KIRREL1: variants seen among roughly 807,000 people sequenced by gnomAD.
KIRREL1 encodes kirre like nephrin family adhesion molecule 1.
KIRREL1 carries 25 observed loss-of-function variants against 83.3 expected under a neutral mutation model. The observed-to-expected ratio is 0.30, with a 90% confidence interval of 0.22 to 0.42. The LOEUF is 0.42. KIRREL1 is among the 10% of genes least tolerant of loss of function. KIRREL1 has a pLI of 1.00. For synonymous variants in KIRREL1, 388 were observed against 410.4 expected, an observed-to-expected ratio of 0.95 and a Z score of 0.66; for missense variants, 812 against 1,032.3, an observed-to-expected ratio of 0.79 and a Z score of 2.92.
intron 1 of KIRREL1, among the ~76,000 whole-genome samples, chr1:158,011,030 G>A (rs187161109): frequency 1.8e-3 from 273 of 152,314 alleles, no homozygotes; most frequent in African/African-American, 6.1e-3. Context: ...ATGAAAACCA[G>A]GGCCCTCTAC....
At chr1:158,045,488 C>A (rs746490240) in intron 1 of KIRREL1, among the ~76,000 whole-genome samples, 6 of 152,220 alleles carry the variant, frequency 3.9e-5, no homozygotes, top group Admixed American at 6.5e-5. Flanking sequence ...TATACTATTA[C>A]AGTTTTATTA....
chr1:158,018,879 T>C (rs540374928), intron 1 of KIRREL1, among the ~76,000 whole-genome samples: 18 of 152,310 alleles, frequency 1.2e-4, no homozygotes, highest in African/African-American at 3.4e-4. Context: ...GATGAACCAA[T>C]TTTATTATTA....
At chr1:158,017,124 C>T (rs765084695) in intron 1 of KIRREL1, among the ~76,000 whole-genome samples, 23 of 152,170 alleles carry the variant, frequency 1.5e-4, no homozygotes, top group Admixed American at 9.2e-4. Flanking sequence ...CCCTTTCCTG[C>T]GGAGGGCAGG....
Position 158,095,150 on chromosome 1 carries a change from G to C in KIRREL1, c.*30G>C. On this transcript the variant is annotated 3_prime_UTR_variant, in exon 15 of 15. Transcript: ENST00000359209. ...CAGAGCCTGGCTGGGGCATCTCTGC[G>C]GGGCAGAGGAGAAGGCTTTCACAGC... 1 of 1,461,274 alleles carries C rather than the reference G, an allele frequency of 6.8e-7. No homozygotes were observed. The highest frequency in any genetic ancestry group is 1.3e-5 in the South Asian group (1 of 79,218). 90.5% of individuals were successfully genotyped at this position (1,461,274 alleles called of 1,614,324 possible).
intron 1 of KIRREL1, among the ~76,000 whole-genome samples, chr1:158,002,524 T>C (rs1022479145): frequency 5.3e-5 from 8 of 152,326 alleles, no homozygotes; most frequent in Non-Finnish European, 8.8e-5. Flanking sequence ...GGTGAGAGCA[T>C]GTGTTCAACT....
At position 158,096,865 on chromosome 1, in the gene KIRREL1, C is replaced by G. The variant is rs1662367795; in HGVS notation, c.*1745C>G. The G allele has an allele frequency of 4.4e-6, 2 of 456,634 alleles. No homozygotes were observed. The highest frequency in any genetic ancestry group is 3.1e-5 in the South Asian group (2 of 64,566). The allele number at this position is 456,634 out of a possible 1,614,324, so 28.3% of individuals were successfully genotyped here. ...CTCTGGTGCAGTTCCCAAAATGTTC[C>G]TCGCCCTTTCTCCGTGGTCACCATT... On this transcript the variant is annotated 3_prime_UTR_variant, in exon 15 of 15. Transcript: ENST00000359209.
rs1662063194 is a variant in KIRREL1, at chr1:158,087,878, T to A, written c.767+18T>A. The A allele has an allele frequency of 3.1e-6, 5 of 1,610,750 alleles. No individual in the cohort carries two copies. Among genetic ancestry groups the A allele is most frequent in the Non-Finnish European group, 4.2e-6 (5 of 1,177,376 alleles). ...GGCTACAGGTGAGGGGGTCAGAGGC[T>A]GGGAGCGCTCTGGGGAGTGATAAGG... On this transcript the variant is annotated intron_variant, in intron 6 of 14. Coordinates refer to ENST00000359209, the MANE Select transcript of KIRREL1 (RefSeq NM_018240.7).
At chr1:158,049,148 C>T (rs915123614) in intron 1 of KIRREL1, among the ~76,000 whole-genome samples, 1 of 152,218 alleles carries the variant, frequency 6.6e-6, no homozygotes, top group African/African-American at 2.4e-5. Flanking sequence ...CTTTTGGATT[C>T]AGTTCAATTC....
chr1:158,023,810 A>C (rs758634768), intron 1 of KIRREL1, among the ~76,000 whole-genome samples: 51 of 152,212 alleles, frequency 3.4e-4, no homozygotes, highest in Non-Finnish European at 5.6e-4. Context: ...AATTTCAGGA[A>C]CTGTTTGGAA....
At chr1:158,089,058 T>C (rs573865954) in intron 8 of KIRREL1, among the ~76,000 whole-genome samples, 2 of 152,102 alleles carry the variant, frequency 1.3e-5, no homozygotes, top group African/African-American at 4.8e-5. Flanking sequence ...TGGTAAATAA[T>C]GCTGCACAGG....
chr1:158,044,208 T>A (rs17419999), intron 1 of KIRREL1, among the ~76,000 whole-genome samples: 15,266 of 152,118 alleles, frequency 0.1, 974 homozygotes, highest in Middle Eastern at 0.14. Flanking sequence ...AAGCATTACA[T>A]AAAAGGCAGC....
chr1:158,052,352 A>C (rs1660929386), intron 1 of KIRREL1, among the ~76,000 whole-genome samples: 2 of 152,120 alleles, frequency 1.3e-5, no homozygotes, highest in Admixed American at 1.3e-4. Context: ...TTATATTTCA[A>C]ATCTTAGTCT....
At chr1:158,040,319 T>A (rs1166580358) in intron 1 of KIRREL1, among the ~76,000 whole-genome samples, 11 of 152,120 alleles carry the variant, frequency 7.2e-5, no homozygotes, top group Admixed American at 6.5e-5. Context: ...AGAAATGCCA[T>A]AAAGCATAGC....
chr1:158,076,020 G>T lies in KIRREL1; in HGVS notation c.53-93G>T. The T allele has an allele frequency of 4.9e-6, 6 of 1,233,748 alleles. No homozygotes were observed. In the South Asian group the frequency reaches 6.0e-5, roughly 12 times the overall value. The allele number at this position is 1,233,748 out of a possible 1,614,324, so 76.4% of individuals were successfully genotyped here. On this transcript the variant is annotated intron_variant, in intron 1 of 14. Transcript: ENST00000359209. ...GGAGAGTCCCCATCCCCAACTGGAG[G>T]CTCTCCCTCCTTCCAGCTGCATGGT...
At chr1:157,999,789 A>G (rs1659304634) in intron 1 of KIRREL1, among the ~76,000 whole-genome samples, 1 of 152,184 alleles carries the variant, frequency 6.6e-6, no homozygotes, top group African/African-American at 2.4e-5. Context: ...TGATCCTCAA[A>G]TGTGAAACCA....
intron 1 of KIRREL1, among the ~76,000 whole-genome samples, chr1:158,013,067 A>C (rs539394706): frequency 2.0e-4 from 31 of 152,348 alleles, no homozygotes; most frequent in African/African-American, 7.2e-4. Flanking sequence ...TGAGCTAACC[A>C]GAGGAAAAGC....
At chr1:158,062,958 T>C (rs1558007696) in intron 1 of KIRREL1, among the ~76,000 whole-genome samples, 1 of 152,266 alleles carries the variant, frequency 6.6e-6, no homozygotes, top group Non-Finnish European at 1.5e-5. Flanking sequence ...ATTAGATTTT[T>C]AAAGATGCCT....
chr1:158,014,691 G>GA (rs1659778871), intron 1 of KIRREL1, among the ~76,000 whole-genome samples: 2 of 143,118 alleles, frequency 1.4e-5, no homozygotes, highest in South Asian at 5.2e-4. Context: ...GGGGGGGGGG[G>GA]GGCGGGGGGA....
rs1224867208 is a variant in KIRREL1 at position 158,095,155 on chromosome 1, AGAG to A, written c.*39_*41del. On this transcript the variant is annotated 3_prime_UTR_variant, in exon 15 of 15. Coordinates refer to ENST00000359209, the MANE Select transcript of KIRREL1 (RefSeq NM_018240.7). ...CCTGGCTGGGGCATCTCTGCGGGGC[AGAG>A]GAGAAGGCTTTCACAGCTGTTCCCT... 7.0e-7 allele frequency: 1 copy of A among 1,434,938 alleles called. No homozygotes were observed. The highest frequency in any genetic ancestry group is 1.4e-5 in the African/African-American group (1 of 70,946). 88.9% of individuals were successfully genotyped at this position (1,434,938 alleles called of 1,614,324 possible). A position where few individuals can be genotyped will look rare whatever the true frequency, so the allele number is the denominator to read the frequency against.
Sources: allele counts gnomAD v4.1 joint callset (sites outside exome capture counted in the v4.1 genomes callset), GRCh38; gene constraint gnomAD v4.1.1; transcripts MANE v1.5; gene names NCBI Gene and HGNC (gene_info 2026-07-23, HGNC 2026-07-21).